PFKFB3: variants seen among roughly 807,000 people sequenced by gnomAD.
PFKFB3 encodes the protein 6-phosphofructo-2-kinase/fructose-2,6-bisphosphatase 3.
A neutral mutation model predicts 68.0 loss-of-function variants in PFKFB3; 33 were observed. The ratio of observed to expected loss-of-function variants is 0.49; its 90% CI spans 0.37 to 0.65. The LOEUF is 0.65. Ranked by LOEUF, PFKFB3 falls within the 30% of genes least tolerant of loss-of-function variation. The probability of loss-of-function intolerance (pLI) is 0.00; values close to 1 mark genes in which losing one functional copy is unlikely to be tolerated. For missense variants in PFKFB3, 586 were observed against 712.2 expected, an observed-to-expected ratio of 0.82 and a Z score of 2.02; for synonymous variants, 315 against 288.2, an observed-to-expected ratio of 1.09 and a Z score of -0.94.
the PFKFB3 span, among the ~76,000 whole-genome samples, chr10:6,300,474 C>G: frequency 9.8e-5 from 15 of 152,310 alleles, no homozygotes; most frequent in Non-Finnish European, 1.6e-4. Context: ...CGGCAGCTCC[C>G]TCTCTCTGTG....
At chr10:6,202,825 A>C, upstream of PFKFB3, 1 of 953,394 alleles carries the variant, frequency 1.0e-6, no homozygotes, top group Non-Finnish European at 1.3e-6. Context: ...CCTCCTCCCC[A>C]CGTGGAAGGG....
chr10:6,189,279 G>T (rs571401576), intron 1 of PFKFB3, among the ~76,000 whole-genome samples: 1 of 152,184 alleles, frequency 6.6e-6, no homozygotes, highest in South Asian at 2.1e-4. Context: ...ACGTGTGCAC[G>T]TATCTCTTCC....
chr10:6,177,948 G>A (rs1000714515), intron 1 of PFKFB3, among the ~76,000 whole-genome samples: 1 of 152,172 alleles, frequency 6.6e-6, no homozygotes, highest in South Asian at 2.1e-4. Flanking sequence ...GGGTGGACAC[G>A]TGGGTGTGAG....
downstream of PFKFB3, among the ~76,000 whole-genome samples, chr10:6,258,043 C>G (rs181893699): frequency 6.6e-6 from 1 of 152,042 alleles, no homozygotes; most frequent in Admixed American, 6.6e-5. Context: ...AAGGGACCGG[C>G]GGGTAGAAGC....
the PFKFB3 span, among the ~76,000 whole-genome samples, chr10:6,286,598 A>C: frequency 6.7e-6 from 1 of 150,174 alleles, no homozygotes; most frequent in Admixed American, 6.6e-5. Context: ...GGCTGGTCTC[A>C]AACTTCTGAC....
chr10:6,306,293 C>G, the PFKFB3 span, among the ~76,000 whole-genome samples: 1 of 152,248 alleles, frequency 6.6e-6, no homozygotes, highest in Non-Finnish European at 1.5e-5. Flanking sequence ...TCCCTGAACC[C>G]TATGCATCTA....
chr10:6,170,943 A>C (rs1228958765), intron 1 of PFKFB3, among the ~76,000 whole-genome samples: 1 of 152,192 alleles, frequency 6.6e-6, no homozygotes, highest in Non-Finnish European at 1.5e-5. Flanking sequence ...GCAGCTGGGA[A>C]GACAGGATAC....
chr10:6,216,912 CCTG>C lies in PFKFB3; in HGVS notation c.441+137_441+139del, dbSNP rs1282063283. The C allele has an allele frequency of 1.8e-5, 15 of 813,954 alleles. No homozygotes were observed. The Admixed American group carries it at 3.1e-4, about 17-fold the overall frequency. The allele number at this position is 813,954 out of a possible 1,614,324, so 50.4% of individuals were successfully genotyped here. A position where few individuals can be genotyped will look rare whatever the true frequency, so the allele number is the denominator to read the frequency against. ...CTTAGTCCTGCTCGGTCCCTCCCCT[CCTG>C]CTGCCCACGTTTTGTGGCCTTAAAT... is the stretch of plus-strand genomic sequence containing the variant. On this transcript the variant is annotated intron_variant, in intron 5 of 14. Transcript: ENST00000379775.
Position 6,222,854 on chromosome 10 carries a change from G to A in PFKFB3, c.1084-1G>A. The A allele has an allele frequency of 6.2e-7, 1 of 1,612,968 alleles. No homozygotes were observed. On this transcript the variant is annotated splice_acceptor_variant, in intron 10 of 14. Transcript: ENST00000379775. LOFTEE classifies it high-confidence loss of function. The stretch of plus-strand genomic sequence containing the variant: ...ACGTGGGCCCGGCCCTCTGTGCTCA[G>A]TCCTACCAGGACCTGGTCCAGCGCT...
chr10:6,308,658 A>G, the PFKFB3 span, among the ~76,000 whole-genome samples: 26 of 152,088 alleles, frequency 1.7e-4, no homozygotes, highest in Admixed American at 5.2e-4. Flanking sequence ...TAAAAAAAAC[A>G]TTTGCTGCCT....
At chr10:6,197,538 TTTC>T (rs1207817927) in intron 1 of PFKFB3, 1 of 152,252 alleles carries the variant, frequency 6.6e-6, no homozygotes, top group African/African-American at 2.4e-5. Flanking sequence ...CTGTATTTCT[TTTC>T]TTCTTCTTTT....
intron 1 of PFKFB3, among the ~76,000 whole-genome samples, chr10:6,180,057 T>C (rs924470582): frequency 6.6e-6 from 1 of 151,984 alleles, no homozygotes; most frequent in Non-Finnish European, 1.5e-5. Context: ...TAAAAATGTG[T>C]GTGGGCCAGG....
intron 1 of PFKFB3, among the ~76,000 whole-genome samples, chr10:6,176,315 G>A (rs913742138): frequency 2.0e-5 from 3 of 152,166 alleles, no homozygotes; most frequent in African/African-American, 4.8e-5. Flanking sequence ...GGTTTCTGTA[G>A]CGACCTGGTT....
At chr10:6,278,136 T>C in the PFKFB3 span, among the ~76,000 whole-genome samples, 1 of 151,982 alleles carries the variant, frequency 6.6e-6, no homozygotes, top group East Asian at 1.9e-4. Flanking sequence ...CAGGATGGTC[T>C]CGATCTCTTG....
intron 1 of PFKFB3, among the ~76,000 whole-genome samples, chr10:6,170,616 A>G (rs977226686): frequency 6.6e-6 from 1 of 152,224 alleles, no homozygotes; most frequent in Non-Finnish European, 1.5e-5. Flanking sequence ...TTGAGGTGCA[A>G]ATGGAAAGAC....
chr10:6,291,511 C>T, the PFKFB3 span, among the ~76,000 whole-genome samples: 2 of 150,402 alleles, frequency 1.3e-5, no homozygotes, highest in East Asian at 2.0e-4. Context: ...GAGATTGTGC[C>T]GCTGCACTCC....
chr10:6,324,333 C>T, the PFKFB3 span, among the ~76,000 whole-genome samples: 30 of 152,146 alleles, frequency 2.0e-4, no homozygotes, highest in African/African-American at 5.3e-4. Context: ...TTAATACTTA[C>T]GGTGAAATTC....
chr10:6,255,722 C>T (rs569682346), downstream of PFKFB3, among the ~76,000 whole-genome samples: 1 of 152,172 alleles, frequency 6.6e-6, no homozygotes, highest in Non-Finnish European at 1.5e-5. Context: ...TTCTGAACAA[C>T]AGCAGTCGGC....
the PFKFB3 span, among the ~76,000 whole-genome samples, chr10:6,311,489 C>T: frequency 2.6e-5 from 4 of 152,062 alleles, no homozygotes; most frequent in Admixed American, 6.6e-5. Context: ...CCCAGTGGCT[C>T]TCTGGGCCCA....
Sources: gnomAD v4.1 joint callset for allele counts (sites outside exome capture counted in the v4.1 genomes callset) on GRCh38, gnomAD v4.1.1 for gene constraint, MANE v1.5 for transcripts, NCBI Gene and HGNC (gene_info 2026-07-23, HGNC 2026-07-21) for gene names.